The following CACNB2 variants were observed in gnomAD, a reference collection of about 807,000 sequenced individuals.
CACNB2 encodes the protein voltage-dependent L-type calcium channel subunit beta-2.
Under a neutral mutation model 73.3 loss-of-function variants are expected in CACNB2, and 42 were observed. That is an observed-to-expected ratio of 0.57 (90% CI 0.45 to 0.74). The LOEUF (loss-of-function observed/expected upper bound fraction) is 0.74. Among genes scored for constraint, CACNB2 ranks in the 30% least tolerant of loss-of-function variants. The pLI is 0.00. For synonymous variants in CACNB2, 348 were observed against 310.3 expected (o/e 1.12, Z -1.28); for missense variants, 940 against 853.0 (o/e 1.10, Z -1.27).
At chr10:18,509,137 C>T (rs1402118557) in intron 6 of CACNB2, among the ~76,000 whole-genome samples, 2 of 152,138 alleles carry the variant, frequency 1.3e-5, no homozygotes, top group African/African-American at 4.8e-5. Context: ...ATTTTTATAT[C>T]AATAGCTCAA....
chr10:18,242,601 A>G (rs1182889140), intron 2 of CACNB2, among the ~76,000 whole-genome samples: 1 of 152,240 alleles, frequency 6.6e-6, no homozygotes, highest in Non-Finnish European at 1.5e-5. Context: ...CAGTTTCTAC[A>G]AATTGGTAAG....
intron 2 of CACNB2, among the ~76,000 whole-genome samples, chr10:18,299,261 T>C (rs1588976313): frequency 1.3e-5 from 2 of 152,156 alleles, no homozygotes; most frequent in Admixed American, 1.3e-4. Context: ...GTGTTCTGGA[T>C]TGGACAATAC....
At chr10:18,312,900 G>T (rs2040015056) in intron 2 of CACNB2, among the ~76,000 whole-genome samples, 1 of 152,064 alleles carries the variant, frequency 6.6e-6, no homozygotes, top group Admixed American at 6.6e-5. Flanking sequence ...TGCTACTGAC[G>T]ATTACGGACC....
intron 3 of CACNB2, among the ~76,000 whole-genome samples, chr10:18,472,768 G>C (rs1383868950): frequency 6.6e-6 from 1 of 152,200 alleles, no homozygotes; most frequent in Non-Finnish European, 1.5e-5. Context: ...AGCCTTTCAG[G>C]AAGAATTTCA....
At chr10:18,262,864 A>G (rs1263862285) in intron 2 of CACNB2, among the ~76,000 whole-genome samples, 6 of 152,202 alleles carry the variant, frequency 3.9e-5, no homozygotes, top group Admixed American at 1.3e-4. Context: ...TTCTTCTTAC[A>G]TTGAACATGT....
At chr10:18,303,823 A>G (rs1564420111) in intron 2 of CACNB2, among the ~76,000 whole-genome samples, 1 of 152,186 alleles carries the variant, frequency 6.6e-6, no homozygotes, top group Non-Finnish European at 1.5e-5. Context: ...GGGGAGCGTT[A>G]AACCTGTCCT....
At chr10:18,227,634 C>T (rs2036047141) in intron 2 of CACNB2, among the ~76,000 whole-genome samples, 1 of 152,140 alleles carries the variant, frequency 6.6e-6, no homozygotes, top group Admixed American at 6.5e-5. Context: ...TGGGCGGCCG[C>T]AAGACAGGCA....
intron 2 of CACNB2, among the ~76,000 whole-genome samples, chr10:18,376,015 T>C (rs760703830): frequency 1.6e-4 from 25 of 152,172 alleles, no homozygotes; most frequent in Non-Finnish European, 3.4e-4. Flanking sequence ...AGAAAGGGAA[T>C]TAGTATTTGG....
chr10:18,257,445 G>T (rs1351961477), intron 2 of CACNB2: 1 of 152,292 alleles, frequency 6.6e-6, no homozygotes. Flanking sequence ...ATCTGGTGGA[G>T]AACTGAGTTT....
At chr10:18,412,501 GA>G (rs1472190594) in intron 3 of CACNB2, among the ~76,000 whole-genome samples, 2 of 152,070 alleles carry the variant, frequency 1.3e-5, no homozygotes, top group Non-Finnish European at 2.9e-5. Context: ...TTAACACCGT[GA>G]AACTGATTTC....
At chr10:18,152,515 C>A (rs1251082511) in intron 2 of CACNB2, among the ~76,000 whole-genome samples, 1 of 151,844 alleles carries the variant, frequency 6.6e-6, no homozygotes, top group African/African-American at 2.4e-5. Context: ...TGGGCAGAAT[C>A]CAGGCATCAT....
At chr10:18,472,283 C>T (rs1209327566) in intron 3 of CACNB2, among the ~76,000 whole-genome samples, 1 of 131,596 alleles carries the variant, frequency 7.6e-6, no homozygotes, top group Non-Finnish European at 1.5e-5. Flanking sequence ...GTCACCCAGG[C>T]TGGAATGCAG....
intron 3 of CACNB2, among the ~76,000 whole-genome samples, chr10:18,438,080 C>T (rs2046231360): frequency 8.3e-6 from 1 of 120,382 alleles, no homozygotes; most frequent in African/African-American, 3.3e-5. Context: ...TGCAGTGGCG[C>T]TATCTCGGTT....
chr10:18,257,197 T>C (rs1402474539), intron 2 of CACNB2: 1 of 152,218 alleles, frequency 6.6e-6, no homozygotes, highest in Admixed American at 6.5e-5. Context: ...ACACATGACT[T>C]GGGTATTGGC....
intron 3 of CACNB2, among the ~76,000 whole-genome samples, chr10:18,440,854 G>A (rs1001331040): frequency 6.6e-6 from 1 of 152,178 alleles, no homozygotes; most frequent in Non-Finnish European, 1.5e-5. Flanking sequence ...GGTCACACAG[G>A]GACTTGCAGG....
At chr10:18,291,846 A>G (rs1311480065) in intron 2 of CACNB2, among the ~76,000 whole-genome samples, 1 of 152,196 alleles carries the variant, frequency 6.6e-6, no homozygotes, top group Non-Finnish European at 1.5e-5. Context: ...TAGTTGTTTC[A>G]TGTTGGTAAG....
chr10:18,268,473 G>A (rs533977136), intron 2 of CACNB2, among the ~76,000 whole-genome samples: 2 of 152,330 alleles, frequency 1.3e-5, no homozygotes, highest in African/African-American at 2.4e-5. Context: ...ATAGACTTAC[G>A]TAGAAGGAGG....
chr10:18,275,115 GCAGT>G (rs2038223078), intron 2 of CACNB2, among the ~76,000 whole-genome samples: 2 of 152,118 alleles, frequency 1.3e-5, no homozygotes, highest in Admixed American at 6.6e-5. Context: ...GGCATTTTAT[GCAGT>G]CAGTCAGTCA....
At chr10:18,464,569 C>T (rs1469551413) in intron 3 of CACNB2, among the ~76,000 whole-genome samples, 1 of 152,108 alleles carries the variant, frequency 6.6e-6, no homozygotes, top group Non-Finnish European at 1.5e-5. Context: ...ACCTCTACCA[C>T]CCAACATGTT....
Sources: gnomAD v4.1 joint callset for allele counts (sites outside exome capture counted in the v4.1 genomes callset) on GRCh38, gnomAD v4.1.1 for gene constraint, MANE v1.5 for transcripts, NCBI Gene and HGNC (gene_info 2026-07-23, HGNC 2026-07-21) for gene names.